The following BLOC1S5 variants were observed in gnomAD, a reference collection of about 807,000 sequenced individuals.
The protein encoded by BLOC1S5 is biogenesis of lysosomal organelles complex 1 subunit 5, also known as biogenesis of lysosome-related organelles complex 1 subunit 5.
Under a neutral mutation model 24.3 loss-of-function variants are expected in BLOC1S5, and 27 were observed. The observed-to-expected ratio is 1.11, with a 90% confidence interval of 0.82 to 1.53. BLOC1S5 has a LOEUF of 1.53. Among genes scored for constraint, BLOC1S5 ranks in the 40% most tolerant of loss-of-function variants. The pLI is 0.00. For missense variants in BLOC1S5, 239 were observed against 229.4 expected (o/e 1.04, Z -0.27); for synonymous variants, 84 against 74.5 (o/e 1.13, Z -0.66).
chr6:8,046,089 G>A (rs572686169), intron 2 of BLOC1S5, among the ~76,000 whole-genome samples: 11 of 152,274 alleles, frequency 7.2e-5, no homozygotes, highest in African/African-American at 2.6e-4. Context: ...CACGTGTTGT[G>A]GGAAGAACCC....
chr6:8,062,456 A>G, intron 2 of BLOC1S5, 78 bp downstream of exon 2: 1 of 879,064 alleles, frequency 1.1e-6, no homozygotes. Flanking sequence ...CGATTTTAAA[A>G]CTGGGGAATT....
At chr6:8,063,814 C>T (rs751369291) in intron 1 of BLOC1S5, among the ~76,000 whole-genome samples, 1 of 152,294 alleles carries the variant, frequency 6.6e-6, no homozygotes, top group African/African-American at 2.4e-5. Flanking sequence ...TGCTATAGAG[C>T]GCCTTCGTAA....
intron 2 of BLOC1S5, among the ~76,000 whole-genome samples, chr6:8,060,116 T>C (rs931716074): frequency 5.3e-5 from 8 of 152,144 alleles, no homozygotes; most frequent in African/African-American, 1.9e-4. Flanking sequence ...AGAAGTAAAT[T>C]AGGGTGACAT....
At chr6:8,061,339 A>G (rs1265280281) in intron 2 of BLOC1S5, among the ~76,000 whole-genome samples, 1 of 152,218 alleles carries the variant, frequency 6.6e-6, no homozygotes, top group African/African-American at 2.4e-5. Context: ...GATTGTGGGA[A>G]CTTACTGCTT....
chr6:8,034,239 T>C (rs1045087460), intron 3 of BLOC1S5, among the ~76,000 whole-genome samples: 3 of 152,204 alleles, frequency 2.0e-5, no homozygotes. Context: ...CAAATGTCCA[T>C]CAATGATAGA....
At chr6:8,059,484 T>C (rs1437894534) in intron 2 of BLOC1S5, among the ~76,000 whole-genome samples, 1 of 152,224 alleles carries the variant, frequency 6.6e-6, no homozygotes, top group Non-Finnish European at 1.5e-5. Flanking sequence ...TACATTCAAA[T>C]GATACAGAAA....
At chr6:8,016,134 T>C (rs545789973) in intron 4 of BLOC1S5, among the ~76,000 whole-genome samples, 2 of 152,338 alleles carry the variant, frequency 1.3e-5, no homozygotes, top group Admixed American at 1.3e-4. Context: ...GAGACCAGCC[T>C]GGCCAACATG....
At chr6:8,061,875 G>A (rs1194056958) in intron 2 of BLOC1S5, among the ~76,000 whole-genome samples, 1 of 152,238 alleles carries the variant, frequency 6.6e-6, no homozygotes. Flanking sequence ...GTAAGGTAGA[G>A]TAGCAGGTGG....
chr6:8,036,337 CA>C (rs1174340470), intron 3 of BLOC1S5, among the ~76,000 whole-genome samples: 2 of 151,898 alleles, frequency 1.3e-5, no homozygotes, highest in Non-Finnish European at 2.9e-5. Context: ...TAATAGAGAC[CA>C]GAGCAGAAAT....
chr6:8,022,362 A>G (rs1333919602), intron 4 of BLOC1S5, among the ~76,000 whole-genome samples: 1 of 151,510 alleles, frequency 6.6e-6, no homozygotes, highest in Non-Finnish European at 1.5e-5. Flanking sequence ...AACCTGGTCT[A>G]CGGGAAAACT....
chr6:8,064,291 G>A lies in BLOC1S5; in HGVS notation c.86C>T (p.Ala29Val), dbSNP rs1757372776. 1 of 1,613,556 alleles carries A rather than the reference G, an allele frequency of 6.2e-7. No individual in the cohort carries two copies. Among genetic ancestry groups the A allele is most frequent in the Non-Finnish European group, 8.5e-7 (1 of 1,179,708 alleles). ...GSKKRDSLGTAGSAHLIIKDL... is the reference protein window; with the variant it reads ...GSKKRDSLGTVGSAHLIIKDL... ...CTTGATAATGAGGTGCGCTGAGCCC[G>A]CAGTCCCCAGGGAGTCCCTCTTCTT... Residue 29 changes from alanine (A) to valine (V), a missense_variant, in exon 1 of 5, where the codon GCG becomes GTG. Coordinates refer to ENST00000397457, the MANE Select transcript of BLOC1S5 (RefSeq NM_201280.3).
At chr6:8,037,099 CT>C (rs1389578874) in intron 3 of BLOC1S5, among the ~76,000 whole-genome samples, 3 of 152,190 alleles carry the variant, frequency 2.0e-5, no homozygotes, top group Non-Finnish European at 4.4e-5. Flanking sequence ...ACATTCACCA[CT>C]TTTATTCAAC....
At chr6:8,035,540 A>G (rs925025790) in intron 3 of BLOC1S5, among the ~76,000 whole-genome samples, 1 of 152,130 alleles carries the variant, frequency 6.6e-6, no homozygotes, top group East Asian at 1.9e-4. Context: ...ACGCAACCAG[A>G]AAAAGATATT....
intron 2 of BLOC1S5, among the ~76,000 whole-genome samples, chr6:8,041,592 G>A (rs944155682): frequency 2.0e-5 from 3 of 150,006 alleles, no homozygotes; most frequent in Admixed American, 1.3e-4. Context: ...GATTATAATC[G>A]TGAGCCACTG....
chr6:8,035,345 C>CCTTT (rs1554138582), intron 3 of BLOC1S5, among the ~76,000 whole-genome samples: 1 of 75,596 alleles, frequency 1.3e-5, no homozygotes, highest in South Asian at 4.9e-4. Flanking sequence ...GAATAAAAAT[C>CCTTT]TTTTTTTTTT....
chr6:8,044,497 C>T (rs561524942), intron 2 of BLOC1S5, among the ~76,000 whole-genome samples: 99 of 152,134 alleles, frequency 6.5e-4, no homozygotes, highest in African/African-American at 2.2e-3. Context: ...AATGTGGAAG[C>T]AACTTTGGAA....
chr6:8,052,834 G>A (rs1427541671), intron 2 of BLOC1S5, among the ~76,000 whole-genome samples: 1 of 151,042 alleles, frequency 6.6e-6, no homozygotes, highest in African/African-American at 2.4e-5. Flanking sequence ...GGCGGAGCTT[G>A]CAGTGAGCCA....
At chr6:8,047,382 A>G (rs1378692240) in intron 2 of BLOC1S5, among the ~76,000 whole-genome samples, 2 of 151,940 alleles carry the variant, frequency 1.3e-5, no homozygotes, top group Non-Finnish European at 2.9e-5. Flanking sequence ...TAATTTTTGT[A>G]TTTTTTATAG....
At chr6:8,055,884 A>T (rs1368444496) in intron 2 of BLOC1S5, among the ~76,000 whole-genome samples, 1 of 152,014 alleles carries the variant, frequency 6.6e-6, no homozygotes, top group Non-Finnish European at 1.5e-5. Context: ...ATCCCCCAAA[A>T]CTGTGTGCTG....
Sources: gnomAD v4.1 joint callset for allele counts (sites outside exome capture counted in the v4.1 genomes callset) on GRCh38, gnomAD v4.1.1 for gene constraint, MANE v1.5 for transcripts, NCBI Gene and HGNC (gene_info 2026-07-23, HGNC 2026-07-21) for gene names.